The following KIAA1671 variants were observed in gnomAD, a reference collection of about 807,000 sequenced individuals.
The protein encoded by KIAA1671 is KIAA1671.
In KIAA1671, 52 loss-of-function variants were observed where a neutral mutation model predicts 131.2. That is an observed-to-expected ratio of 0.40 (90% CI 0.32 to 0.50). The LOEUF is 0.50. Ranked by LOEUF, KIAA1671 falls within the 20% of genes least tolerant of loss-of-function variation. The probability of loss-of-function intolerance (pLI) is 0.73; values close to 1 mark genes in which losing one functional copy is unlikely to be tolerated. For synonymous variants in KIAA1671, 1,003 were observed against 961.6 expected, an observed-to-expected ratio of 1.04 and a Z score of -0.80; for missense variants, 2,360 against 2,364.2, an observed-to-expected ratio of 1.00 and a Z score of 0.04.
At chr22:25,014,412 T>C (rs45485293) in intron 1 of KIAA1671, 1 of 152,084 alleles carries the variant, frequency 6.6e-6, no homozygotes, top group Non-Finnish European at 1.5e-5. Flanking sequence ...TAGGAATTTT[T>C]TTTTGTTTTT....
intron 1 of KIAA1671, among the ~76,000 whole-genome samples, chr22:24,958,714 TA>T (rs1921853312): frequency 6.6e-6 from 1 of 150,656 alleles, no homozygotes; most frequent in Non-Finnish European, 1.5e-5. Context: ...CTCACACCTG[TA>T]ATTCCAGCAC....
intron 6 of KIAA1671, among the ~76,000 whole-genome samples, chr22:25,103,070 C>T (rs1930777634): frequency 6.6e-6 from 1 of 152,166 alleles, no homozygotes; most frequent in Admixed American, 6.5e-5. Context: ...TTTTCCTGAC[C>T]CTCACAAGAG....
rs569666180 is a variant in KIAA1671, at chr22:24,988,081, GC to G, written c.-208+35310del. Among the ~76,000 whole-genome samples the G allele has an allele frequency of 2.1e-3, 327 of 152,218 alleles. 1 individual carries two copies. The highest frequency in any genetic ancestry group is 7.7e-3 in the African/African-American group (321 of 41,534). ...ACCTGAGGTCAAGAGTTCGAGACCA[GC>G]TTGGCTAACATGGTGAAACCCCGTT... On this transcript the variant is annotated intron_variant, in intron 1 of 12. Transcript: ENST00000358431.
At chr22:25,173,267 G>A (rs540511198) in intron 7 of KIAA1671, among the ~76,000 whole-genome samples, 57 of 152,148 alleles carry the variant, frequency 3.7e-4, no homozygotes, top group African/African-American at 1.4e-3. Context: ...ATGAGATTTA[G>A]TTGGGGACAC....
intron 6 of KIAA1671, among the ~76,000 whole-genome samples, chr22:25,128,089 G>A (rs1417694603): frequency 2.0e-5 from 3 of 152,136 alleles, no homozygotes; most frequent in African/African-American, 4.8e-5. Context: ...CTAAAGATAT[G>A]AAGATTGAAC....
intron 7 of KIAA1671, among the ~76,000 whole-genome samples, chr22:25,171,697 C>A (rs1377283599): frequency 6.6e-6 from 1 of 150,970 alleles, no homozygotes; most frequent in Non-Finnish European, 1.5e-5. Context: ...CCAGCCTGGG[C>A]GACAGAGAGA....
At chr22:25,115,400 C>A (rs1293624187) in intron 6 of KIAA1671, among the ~76,000 whole-genome samples, 1 of 152,154 alleles carries the variant, frequency 6.6e-6, no homozygotes, top group Non-Finnish European at 1.5e-5. Flanking sequence ...CTCAACTCAC[C>A]ACGTGCAAAC....
rs1569000616 is a variant in KIAA1671 at position 25,190,733 on chromosome 22, G to A, written c.5374G>A (p.Glu1792Lys). Residue 1792 changes from glutamate to lysine, a missense_variant, in exon 12 of 13, where the codon GAA (glutamate) becomes AAA (lysine). By Grantham distance (56) the Glu-to-Lys change is moderately conservative. Coordinates refer to ENST00000358431, the MANE Select transcript of KIAA1671 (RefSeq NM_001145206.2). ...SDEPSPQWLK[E>K]LKSKKRQSLY... is the part of the protein sequence containing the mutation. Reference sequence around the variant, plus strand: ...TGAACCCTCTCCCCAGTGGCTAAAGGAATTGAAATCCAAGAAGAGGCAAAG... The same window carrying A: ...TGAACCCTCTCCCCAGTGGCTAAAGAAATTGAAATCCAAGAAGAGGCAAAG... The A allele has an allele frequency of 1.3e-6, 2 of 1,551,856 alleles. No homozygotes were observed. The highest frequency in any genetic ancestry group is 1.7e-6 in the Non-Finnish European group (2 of 1,146,968).
intron 6 of KIAA1671, among the ~76,000 whole-genome samples, chr22:25,109,059 G>A (rs1931191112): frequency 6.6e-6 from 1 of 152,012 alleles, no homozygotes; most frequent in African/African-American, 2.4e-5. Flanking sequence ...AGAGAAGAAG[G>A]TAGAAACCAT....
Position 25,041,476 on chromosome 22 carries a change from C to T in KIAA1671, c.4346C>T (p.Ala1449Val), listed in dbSNP as rs985085909. 7.7e-6 allele frequency: 12 copies of T among 1,551,074 alleles called. No homozygotes were observed. The African/African-American group carries it at 1.1e-4, about 14-fold the overall frequency. The change falls in exon 5 of 13, where the codon GCC (alanine) becomes GTC (valine). Residue 1449 changes from alanine (A) to valine (V), a missense_variant. This residue lies in a region of KIAA1671 where 1,161 missense variants were observed against 1,204.7 expected (regional missense o/e 0.96). Transcript: ENST00000358431. ...AGCCTTACTGGAGAGAATTTGGAGG[C>T]CAAAATGGGACCCTGTTGGTGGGAG... ...RPSLTGENLE[A>V]KMGPCWWESG...
chr22:25,033,910 A>G (rs1926442194), intron 4 of KIAA1671, among the ~76,000 whole-genome samples: 1 of 151,850 alleles, frequency 6.6e-6, no homozygotes, highest in African/African-American at 2.4e-5. Flanking sequence ...TTGAGATACA[A>G]TTGACATACA....
chr22:25,040,225 A>G lies in KIAA1671; in HGVS notation c.3095A>G (p.Tyr1032Cys), dbSNP rs1055663972. The G allele has an allele frequency of 6.4e-7, 1 of 1,551,750 alleles. No individual in the cohort carries two copies. The highest frequency in any genetic ancestry group is 8.7e-7 in the Non-Finnish European group (1 of 1,147,016). The change falls in exon 5 of 13, where the codon TAT becomes TGT. Residue 1032 changes from tyrosine (Y) to cysteine (C), a missense_variant. Around this residue, in one of 3 missense-constraint regions of KIAA1671, gnomAD observed 1,161 missense variants for 1,204.7 expected, o/e 0.96. Coordinates refer to ENST00000358431, the MANE Select transcript of KIAA1671 (RefSeq NM_001145206.2). ...AAGGCGACATTTTTTGCAGTCACCT[A>G]TCAGATTCCCAATACTCAAAAGGCA... ...EPKATFFAVT[Y>C]QIPNTQKAKG...
In KIAA1671 at chr22:25,195,933, C is replaced by T. The variant is rs1934813393; in HGVS notation, c.*3532C>T. On this transcript the variant is annotated 3_prime_UTR_variant, in exon 13 of 13. Coordinates refer to ENST00000358431, the MANE Select transcript of KIAA1671 (RefSeq NM_001145206.2). ...TCCATGGCATCATGATTCCGAGGGG[C>T]TGGAGGGATAGGACCCACTCCACAT... The T allele has an allele frequency of 6.6e-6, 1 of 152,118 alleles. No homozygotes were observed. Among genetic ancestry groups the T allele is most frequent in the South Asian group, 2.1e-4 (1 of 4,822 alleles). 9.4% of individuals were successfully genotyped at this position (152,118 alleles called of 1,614,324 possible). A position where few individuals can be genotyped will look rare whatever the true frequency, so the allele number is the denominator to read the frequency against.
chr22:25,039,126 A>G lies in KIAA1671; in HGVS notation c.1996A>G (p.Thr666Ala). The change falls in exon 5 of 13, where the codon ACA (threonine) becomes GCA (alanine). Residue 666 changes from threonine to alanine, a missense_variant. Around this residue, in one of 3 missense-constraint regions of KIAA1671, gnomAD observed 1,185 missense variants for 1,126.2 expected, o/e 1.05. Transcript: ENST00000358431. Reference sequence around the variant, plus strand: ...GCTGGGCAGGGACCCACCAGACATGACAAAACTGAAGAAAGAGAACTCCAG... The same window carrying G: ...GCTGGGCAGGGACCCACCAGACATGGCAAAACTGAAGAAAGAGAACTCCAG... ...SWLGRDPPDM[T>A]KLKKENSRGF... The G allele has an allele frequency of 1.3e-6, 2 of 1,551,534 alleles. No homozygotes were observed. The highest frequency in any genetic ancestry group is 1.2e-5 in the South Asian group (1 of 84,058).
At position 25,182,934 on chromosome 22, in the gene KIAA1671, A is replaced by G. The variant is rs146466510; in HGVS notation, c.5199+1111A>G. On this transcript the variant is annotated intron_variant, in intron 10 of 12. Transcript: ENST00000358431. ...TCCCAGTCTCCCAAATTGCACCAGA[A>G]TGCCAACTGTATTATGCAATGCTGA... Among the ~76,000 whole-genome samples, 248 of 152,320 alleles carry G rather than the reference A, an allele frequency of 1.6e-3. 4 individuals are homozygous for G. The East Asian group carries it at 0.029, about 18-fold the overall frequency.
At chr22:25,093,802 C>CTCTCTCTT (rs1930224974) in intron 6 of KIAA1671, among the ~76,000 whole-genome samples, 2 of 141,128 alleles carry the variant, frequency 1.4e-5, no homozygotes, top group African/African-American at 5.3e-5. Flanking sequence ...CTCTCTCTCT[C>CTCTCTCTT]TCTCTCTCTG....
At chr22:25,167,553 T>G (rs191775543) in intron 6 of KIAA1671, among the ~76,000 whole-genome samples, 1 of 152,366 alleles carries the variant, frequency 6.6e-6, no homozygotes, top group East Asian at 1.9e-4. Flanking sequence ...GGCAGGACTA[T>G]GAGAGAATAC....
chr22:25,149,462 C>T (rs939828946), intron 6 of KIAA1671, among the ~76,000 whole-genome samples: 3 of 152,066 alleles, frequency 2.0e-5, no homozygotes, highest in African/African-American at 7.2e-5. Flanking sequence ...TGCTGATCAC[C>T]ATCCCTGGCT....
chr22:25,092,258 G>A (rs990024211), intron 6 of KIAA1671, among the ~76,000 whole-genome samples: 2 of 152,202 alleles, frequency 1.3e-5, no homozygotes, highest in Non-Finnish European at 2.9e-5. Context: ...AATAAAATTT[G>A]GGTGGAGCCC....
Sources: gnomAD v4.1 joint callset for allele counts (sites outside exome capture counted in the v4.1 genomes callset) on GRCh38, gnomAD v4.1.1 for gene constraint, gnomAD v4.1.1 regional missense constraint, MANE v1.5 for transcripts, NCBI Gene and HGNC (gene_info 2026-07-23, HGNC 2026-07-21) for gene names.